Variants in TOX3 observed in about 807,000 individuals in gnomAD.
TOX3 encodes the protein CAG trinucleotide repeat-containing gene F9 protein.
Under a neutral mutation model 64.3 loss-of-function variants are expected in TOX3, and 22 were observed. That is an observed-to-expected ratio of 0.34 (90% CI 0.24 to 0.49). The LOEUF (loss-of-function observed/expected upper bound fraction) is 0.49. Among genes scored for constraint, TOX3 ranks in the 20% least tolerant of loss-of-function variants. TOX3 has a pLI of 0.99. For synonymous variants in TOX3, 291 were observed against 273.6 expected, an observed-to-expected ratio of 1.06 and a Z score of -0.63; for missense variants, 661 against 714.4, an observed-to-expected ratio of 0.93 and a Z score of 0.85.
chr16:52,489,970 C>G (rs1961631893), intron 1 of TOX3, among the ~76,000 whole-genome samples: 1 of 152,174 alleles, frequency 6.6e-6, no homozygotes, highest in African/African-American at 2.4e-5. Flanking sequence ...TCAAACCCAT[C>G]CTCCACACTG....
intron 1 of TOX3, among the ~76,000 whole-genome samples, chr16:52,504,259 G>A (rs1189990679): frequency 1.3e-5 from 2 of 152,048 alleles, no homozygotes; most frequent in East Asian, 1.9e-4. Context: ...TAGGTCAGGA[G>A]ATCGAGACCA....
intron 1 of TOX3, among the ~76,000 whole-genome samples, chr16:52,532,400 T>C (rs1281806623): frequency 3.3e-5 from 5 of 152,172 alleles, no homozygotes; most frequent in Admixed American, 6.5e-5. Context: ...ACTGCCATCA[T>C]GAACAAGCCC....
intron 2 of TOX3, 54 bp from the exon 3 acceptor site, chr16:52,464,242 C>CA: frequency 7.3e-7 from 1 of 1,378,850 alleles, no homozygotes; most frequent in East Asian, 2.7e-5. Flanking sequence ...TATCTTATTC[C>CA]TCCGGGGAGG....
intron 1 of TOX3, among the ~76,000 whole-genome samples, chr16:52,517,480 G>T (rs1305567825): frequency 6.6e-6 from 1 of 152,106 alleles, no homozygotes; most frequent in Non-Finnish European, 1.5e-5. Flanking sequence ...CTTCTTGGTG[G>T]TGCCCCAGCC....
intron 1 of TOX3, among the ~76,000 whole-genome samples, chr16:52,537,535 C>T (rs1489138981): frequency 1.3e-5 from 2 of 152,192 alleles, no homozygotes; most frequent in Non-Finnish European, 2.9e-5. Flanking sequence ...TCAAGCTTCA[C>T]TCCAGTTAGC....
chr16:52,490,500 T>A (rs1301221253), intron 1 of TOX3, among the ~76,000 whole-genome samples: 5 of 152,066 alleles, frequency 3.3e-5, no homozygotes. Context: ...ACAAAAGGCA[T>A]TTCTCACCCC....
intron 2 of TOX3, among the ~76,000 whole-genome samples, chr16:52,465,857 A>T (rs1356607164): frequency 6.6e-6 from 1 of 152,208 alleles, no homozygotes; most frequent in East Asian, 1.9e-4. Context: ...TAGCAGGCTC[A>T]ATATATTCAA....
chr16:52,532,360 G>C (rs1962869656), intron 1 of TOX3, among the ~76,000 whole-genome samples: 1 of 152,178 alleles, frequency 6.6e-6, no homozygotes, highest in African/African-American at 2.4e-5. Flanking sequence ...GGACTCAAGG[G>C]TTCTTGTGTA....
chr16:52,471,372 G>A (rs914368164), intron 1 of TOX3, among the ~76,000 whole-genome samples: 2 of 152,136 alleles, frequency 1.3e-5, no homozygotes, highest in Non-Finnish European at 2.9e-5. Flanking sequence ...TTTGGTGTAA[G>A]AACAGATCTG....
intron 2 of TOX3, among the ~76,000 whole-genome samples, chr16:52,465,319 T>C (rs1388945168): frequency 1.3e-5 from 2 of 151,894 alleles, no homozygotes; most frequent in Admixed American, 1.3e-4. Context: ...CAGCCAATAC[T>C]GAGATTCTTA....
intron 1 of TOX3, among the ~76,000 whole-genome samples, chr16:52,503,678 A>C (rs568674869): frequency 1.2e-4 from 18 of 152,310 alleles, no homozygotes; most frequent in Non-Finnish European, 2.4e-4. Flanking sequence ...TCCAGGGAAA[A>C]TTCTATAGAA....
In TOX3 at chr16:52,438,777, T is replaced by C. The variant is rs1959831398; in HGVS notation, c.*448A>G. 1 of 236,606 alleles carries C rather than the reference T, an allele frequency of 4.2e-6. No individual in the cohort carries two copies. The highest frequency in any genetic ancestry group is 8.7e-6 in the Non-Finnish European group (1 of 114,938). 14.7% of individuals were successfully genotyped at this position (236,606 alleles called of 1,614,324 possible). A position where few individuals can be genotyped will look rare whatever the true frequency, so the allele number is the denominator to read the frequency against. Reference sequence around the variant, plus strand: ...CAAATGTTTGTATGAAACTGGATCTTCATATTTCAGGTAGTTACAACTGTG... The same window carrying C: ...CAAATGTTTGTATGAAACTGGATCTCCATATTTCAGGTAGTTACAACTGTG... On this transcript the variant is annotated 3_prime_UTR_variant, in exon 7 of 7. Transcript: ENST00000219746.
At position 52,490,324 on chromosome 16, in the gene TOX3, C is replaced by T. The variant is rs192329083; in HGVS notation, c.88-21750G>A. On this transcript the variant is annotated intron_variant, in intron 1 of 6. Coordinates refer to ENST00000219746, the MANE Select transcript of TOX3 (RefSeq NM_001080430.4). ...CCTCCCAGTCATGCTTCCTGTTAAG[C>T]CTGTGGAACTGTGAGTCAATTAAAC... is the stretch of plus-strand genomic sequence containing the variant. Among the ~76,000 whole-genome samples the T allele has an allele frequency of 3.3e-3, 497 of 152,270 alleles. 5 individuals are homozygous for T. Among genetic ancestry groups the T allele is most frequent in the Middle Eastern group, 6.8e-3 (2 of 294 alleles).
chr16:52,461,202 T>C (rs74017815), intron 3 of TOX3, among the ~76,000 whole-genome samples: 6,947 of 152,204 alleles, frequency 0.046, 337 homozygotes, highest in African/African-American at 0.12. Context: ...CAATAACACT[T>C]AGAGGTAACA....
At chr16:52,513,705 A>C (rs1340505386) in intron 1 of TOX3, among the ~76,000 whole-genome samples, 3 of 152,232 alleles carry the variant, frequency 2.0e-5, no homozygotes, top group Non-Finnish European at 1.5e-5. Flanking sequence ...AGGCCAATCT[A>C]AAACTGAAAA....
intron 1 of TOX3, among the ~76,000 whole-genome samples, chr16:52,534,290 T>G (rs1016168465): frequency 6.6e-6 from 1 of 151,930 alleles, no homozygotes; most frequent in African/African-American, 2.4e-5. Flanking sequence ...CAGAGGAGAT[T>G]AGGTAGTAGT....
At chr16:52,467,573 T>A (rs1232573121) in intron 2 of TOX3, among the ~76,000 whole-genome samples, 1 of 152,232 alleles carries the variant, frequency 6.6e-6, no homozygotes, top group African/African-American at 2.4e-5. Context: ...TGTATTTGAA[T>A]GTATCTGGAA....
At position 52,498,592 on chromosome 16, in the gene TOX3, G is replaced by T. The variant is rs550089572; in HGVS notation, c.88-30018C>A. ...AAATCTGAACCTTTGTGGGGTTGGG[G>T]GGGGGAGGCTGTATTTTCTAACAAC... On this transcript the variant is annotated intron_variant, in intron 1 of 6. Coordinates refer to ENST00000219746, the MANE Select transcript of TOX3 (RefSeq NM_001080430.4). Among the ~76,000 whole-genome samples, 27 of 152,240 alleles carry T rather than the reference G, an allele frequency of 1.8e-4. No individual in the cohort carries two copies. The East Asian group carries it at 4.2e-3, about 24-fold the overall frequency.
At chr16:52,545,634 A>C (rs555939447) in intron 1 of TOX3, among the ~76,000 whole-genome samples, 3 of 152,354 alleles carry the variant, frequency 2.0e-5, no homozygotes, top group African/African-American at 7.2e-5. Context: ...AGGGAGGAGC[A>C]GGAGGAAGGG....
Sources: gnomAD v4.1 joint callset for allele counts (sites outside exome capture counted in the v4.1 genomes callset) on GRCh38, gnomAD v4.1.1 for gene constraint, MANE v1.5 for transcripts, NCBI Gene and HGNC (gene_info 2026-07-23, HGNC 2026-07-21) for gene names.